STK10: variants seen among roughly 807,000 people sequenced by gnomAD.
STK10 encodes serine/threonine-protein kinase 10.
A neutral mutation model predicts 113.8 loss-of-function variants in STK10; 78 were observed. That is an observed-to-expected ratio of 0.69 (90% CI 0.57 to 0.83). STK10 has a LOEUF of 0.83. STK10 is among the 40% of genes least tolerant of loss of function. The pLI is 0.00. For synonymous variants in STK10, 465 were observed against 494.7 expected (o/e 0.94, Z 0.80); for missense variants, 1,109 against 1,280.1 (o/e 0.87, Z 2.04).
At chr5:172,097,983 A>G (rs58527982) in intron 7 of STK10, among the ~76,000 whole-genome samples, 14,471 of 152,172 alleles carry the variant, frequency 0.095, 2,238 homozygotes, top group African/African-American at 0.33. Flanking sequence ...CGCTCACCGA[A>G]GGCCACTGGG....
In STK10 at chr5:172,084,775, T is replaced by C. The variant is rs186419824; in HGVS notation, c.1686-1691A>G. 9.2e-5 allele frequency among the ~76,000 whole-genome samples: 14 copies of C among 152,222 alleles called. No homozygotes were observed. In the East Asian group the frequency reaches 2.7e-3, roughly 29 times the overall value. Reference sequence around the variant, plus strand: ...TTGGGTGTCAGATTTTTTTAGATTGTAGAATATTATACTTACTGAACGAGC... The same window carrying C: ...TTGGGTGTCAGATTTTTTTAGATTGCAGAATATTATACTTACTGAACGAGC... On this transcript the variant is annotated intron_variant, in intron 10 of 18. Coordinates refer to ENST00000176763, the MANE Select transcript of STK10 (RefSeq NM_005990.4).
At chr5:172,083,217 A>G in intron 10 of STK10, 133 bp from the exon 11 acceptor site, 1 of 1,088,674 alleles carries the variant, frequency 9.2e-7, no homozygotes, top group Non-Finnish European at 1.3e-6. Context: ...GCATGACTAG[A>G]ACTCAGGCTT....
At chr5:172,045,391 G>C (rs911166401) in intron 18 of STK10, 2 of 482,456 alleles carry the variant, frequency 4.1e-6, no homozygotes, top group African/African-American at 2.0e-5. Context: ...AGGAAGCAGA[G>C]ATGTCAGAAG....
chr5:172,094,519 A>T (rs1282827491), intron 8 of STK10, among the ~76,000 whole-genome samples: 1 of 151,814 alleles, frequency 6.6e-6, no homozygotes, highest in East Asian at 1.9e-4. Flanking sequence ...AGTAGCTGGG[A>T]CTACAGGTGC....
intron 12 of STK10, among the ~76,000 whole-genome samples, chr5:172,072,255 AT>A (rs1321399879): frequency 1.1e-3 from 159 of 147,372 alleles, no homozygotes; most frequent in African/African-American, 4.1e-3. Context: ...GACTTAAAAA[AT>A]TTTTTTTCTT....
intron 13 of STK10, among the ~76,000 whole-genome samples, chr5:172,062,437 T>TA (rs1389453107): frequency 1.3e-5 from 2 of 152,312 alleles, no homozygotes; most frequent in African/African-American, 4.8e-5. Flanking sequence ...CTCAAAGAGA[T>TA]ATGTGTGCAC....
Position 172,093,388 on chromosome 5 carries a change from C to G in STK10, c.1554+24G>C. The stretch of plus-strand genomic sequence containing the variant: ...ATCCTGCAATGGTCTTGCTGCAAGC[C>G]CGTGGTGGCAGAGGCGGTGTTACCT... On this transcript the variant is annotated intron_variant, in intron 9 of 18. Transcript: ENST00000176763. This position sits in a 1 kb window ranked among gnomAD's most constrained non-coding sequence, Gnocchi z 4.1. 2.6e-6 allele frequency: 4 copies of G among 1,563,888 alleles called. No homozygotes were observed. The highest frequency in any genetic ancestry group is 3.5e-6 in the Non-Finnish European group (4 of 1,150,076).
intron 1 of STK10, among the ~76,000 whole-genome samples, chr5:172,167,025 T>G (rs1419542035): frequency 6.6e-6 from 1 of 151,942 alleles, no homozygotes; most frequent in African/African-American, 2.4e-5. Context: ...CCAGGCAAGA[T>G]GGCGCGCACC....
chr5:172,069,288 C>T (rs1581139542), intron 12 of STK10, among the ~76,000 whole-genome samples: 3 of 151,924 alleles, frequency 2.0e-5, no homozygotes, highest in Non-Finnish European at 2.9e-5. Context: ...ATGCTGTCAA[C>T]AAGAAACCCA....
chr5:172,112,416 C>CT (rs1159424183), intron 4 of STK10, among the ~76,000 whole-genome samples: 20,010 of 103,004 alleles, frequency 0.19, 2,761 homozygotes, highest in East Asian at 0.32. Context: ...AGGGACCTTA[C>CT]TTTTTTTTTT....
In STK10 at chr5:172,082,009, C is replaced by G. The variant is rs1022903530; in HGVS notation, c.1989+317G>C. On this transcript the variant is annotated intron_variant, in intron 12 of 18. Coordinates refer to ENST00000176763, the MANE Select transcript of STK10 (RefSeq NM_005990.4). This position sits in a 1 kb window ranked among gnomAD's most constrained non-coding sequence, Gnocchi z 4.3. Reference sequence around the variant, plus strand: ...CTGGGAACAGCATCTCAAATTCCCCCGGACCACCAGCCCTTCCTTCTTCCC... The same window carrying G: ...CTGGGAACAGCATCTCAAATTCCCCGGGACCACCAGCCCTTCCTTCTTCCC... Among the ~76,000 whole-genome samples the G allele has an allele frequency of 1.3e-5, 2 of 152,140 alleles. No homozygotes were observed. The highest frequency in any genetic ancestry group is 6.5e-5 in the Admixed American group (1 of 15,284).
chr5:172,057,004 G>GGAAAGAAAGAAAGAAAGAAAGAAA (rs57276469), intron 15 of STK10: 9 of 73,478 alleles, frequency 1.2e-4, no homozygotes, highest in East Asian at 3.8e-4. Flanking sequence ...AGAGAAAGAA[G>GGAAAGAAAGAAAGAAAGAAAGAAA]GAAAGAAAGA....
At chr5:172,099,071 TTATCAA>T (rs1768921359) in intron 7 of STK10, among the ~76,000 whole-genome samples, 1 of 150,572 alleles carries the variant, frequency 6.6e-6, no homozygotes, top group African/African-American at 2.5e-5. Context: ...ATCACCATCA[TTATCAA>T]CATCATCATC....
At chr5:172,065,592 C>T (rs1170327433) in intron 12 of STK10, among the ~76,000 whole-genome samples, 3 of 152,114 alleles carry the variant, frequency 2.0e-5, no homozygotes, top group Admixed American at 6.6e-5. Flanking sequence ...TCCCTACCCC[C>T]GCTGGCCCTG....
At chr5:172,064,918 C>T in intron 12 of STK10, 106 bp from the exon 13 acceptor site, 1 of 1,291,730 alleles carries the variant, frequency 7.7e-7, no homozygotes. Flanking sequence ...AAAGAAGAGG[C>T]TCAGCTTTGC....
At chr5:172,150,481 C>CAAAAAA (rs61247858) in intron 2 of STK10, among the ~76,000 whole-genome samples, 2 of 106,836 alleles carry the variant, frequency 1.9e-5, no homozygotes, top group South Asian at 2.9e-4. Flanking sequence ...AACAACACCT[C>CAAAAAA]AAAAAAAAAA....
At chr5:172,096,391 C>G in intron 8 of STK10, 35 bp downstream of exon 8, 2 of 1,604,952 alleles carry the variant, frequency 1.2e-6, no homozygotes, top group Non-Finnish European at 1.7e-6. Flanking sequence ...CCTGTCCTCC[C>G]AGCCCCCGCT....
intron 7 of STK10, 141 bp downstream of exon 7, chr5:172,105,515 C>T: frequency 1.2e-6 from 1 of 852,806 alleles, no homozygotes. Context: ...TCAGGAGGTG[C>T]CTGGGGAATA....
At chr5:172,157,387 T>A (rs1412764834) in intron 1 of STK10, among the ~76,000 whole-genome samples, 2 of 151,956 alleles carry the variant, frequency 1.3e-5, no homozygotes, top group Non-Finnish European at 2.9e-5. Flanking sequence ...TGAAACCCCA[T>A]CTCTACCAAA....
Sources: allele counts gnomAD v4.1 joint callset (sites outside exome capture counted in the v4.1 genomes callset), GRCh38; gene constraint gnomAD v4.1.1; non-coding constraint Gnocchi (gnomAD v3.1); transcripts MANE v1.5; gene names NCBI Gene and HGNC (gene_info 2026-07-23, HGNC 2026-07-21).